ETS1: variants seen among roughly 807,000 people sequenced by gnomAD.
The protein encoded by ETS1 is protein C-ets-1.
In ETS1, 15 loss-of-function variants were observed where a neutral mutation model predicts 58.6. The ratio of observed to expected loss-of-function variants is 0.26; its 90% CI spans 0.17 to 0.39. The LOEUF is 0.39. Among genes scored for constraint, ETS1 ranks in the 10% least tolerant of loss-of-function variants. The probability of loss-of-function intolerance (pLI) is 1.00; values close to 1 mark genes in which losing one functional copy is unlikely to be tolerated. For missense variants in ETS1, 417 were observed against 610.5 expected (o/e 0.68, Z 3.34); for synonymous variants, 214 against 218.2 (o/e 0.98, Z 0.17).
intron 2 of ETS1, among the ~76,000 whole-genome samples, chr11:128,566,957 G>A (rs544419252): frequency 2.6e-5 from 4 of 152,276 alleles, no homozygotes; most frequent in South Asian, 2.1e-4. Flanking sequence ...TGTAAGGTGC[G>A]TTGGCTTCTG....
chr11:128,521,932 C>A, intron 3 of ETS1: 1 of 1,606,226 alleles, frequency 6.2e-7, no homozygotes, highest in Non-Finnish European at 8.5e-7. Context: ...GGAAAAGCTC[C>A]AGATCGACTT....
chr11:128,540,674 G>C (rs532250718), intron 3 of ETS1, among the ~76,000 whole-genome samples: 7 of 152,314 alleles, frequency 4.6e-5, no homozygotes, highest in Non-Finnish European at 7.3e-5. Context: ...AAGTGGCTTA[G>C]AGAGAGGCTG....
chr11:128,578,152 T>G (rs1222465722), intron 1 of ETS1, among the ~76,000 whole-genome samples: 1 of 152,106 alleles, frequency 6.6e-6, no homozygotes, highest in Non-Finnish European at 1.5e-5. Context: ...CTCCCCAAAC[T>G]GGCAACCCGG....
Position 128,501,055 on chromosome 11 carries a change from A to G in ETS1, c.215-10479T>C, listed in dbSNP as rs555423677. ...TTGCTTGTTGAGAGATCAGCAGCAC[A>G]AAGCAAATTTGTCCTTATCTGGCAG... On this transcript the variant is annotated intron_variant, in intron 3 of 9. Transcript: ENST00000392668. Among the ~76,000 whole-genome samples the G allele has an allele frequency of 1.5e-3, 229 of 152,298 alleles. 1 individual carries two copies. The highest frequency in any genetic ancestry group is 5.2e-3 in the African/African-American group (216 of 41,564).
At chr11:128,583,192 G>C (rs1163604905) in intron 1 of ETS1, among the ~76,000 whole-genome samples, 1 of 152,182 alleles carries the variant, frequency 6.6e-6, no homozygotes, top group Non-Finnish European at 1.5e-5. Flanking sequence ...TTGAACTCAT[G>C]AGTGATTATA....
At chr11:128,538,994 C>T (rs114400273) in intron 3 of ETS1, among the ~76,000 whole-genome samples, 177 of 152,242 alleles carry the variant, frequency 1.2e-3, no homozygotes, top group Middle Eastern at 3.4e-3. Flanking sequence ...TAGGGGAGAA[C>T]CAGATACACA....
At chr11:128,581,679 G>A (rs1864873284) in intron 1 of ETS1, among the ~76,000 whole-genome samples, 1 of 152,142 alleles carries the variant, frequency 6.6e-6, no homozygotes, top group Non-Finnish European at 1.5e-5. Context: ...GAAGGGCCAC[G>A]AGATTAAAAA....
At chr11:128,584,974 GAAA>G (rs753866442) in intron 1 of ETS1, among the ~76,000 whole-genome samples, 363 of 23,906 alleles carry the variant, frequency 0.015, 15 homozygotes, top group African/African-American at 0.079. Flanking sequence ...AAGAAAGAAA[GAAA>G]GAAAGAAAGA....
Position 128,463,695 on chromosome 11 carries a change from C to G in ETS1, c.1124-68G>C, listed in dbSNP as rs1565363236. 1 of 845,898 alleles carries G rather than the reference C, an allele frequency of 1.2e-6. No homozygotes were observed. The highest frequency in any genetic ancestry group is 2.5e-5 in the East Asian group (1 of 40,624). The allele number at this position is 845,898 out of a possible 1,614,324, so 52.4% of individuals were successfully genotyped here. A position where few individuals can be genotyped will look rare whatever the true frequency, so the allele number is the denominator to read the frequency against. On this transcript the variant is annotated intron_variant, in intron 8 of 9. Transcript: ENST00000392668. The surrounding 1 kb of genome is among the most constrained non-coding windows in gnomAD (Gnocchi z 4.1). ...GCACTCTACGCAGCTAATCCCCACA[C>G]ACGGCACTCCCACATCCCTCTTCTC...
chr11:128,575,472 T>C (rs1202584900), intron 1 of ETS1, among the ~76,000 whole-genome samples: 2 of 152,234 alleles, frequency 1.3e-5, no homozygotes, highest in African/African-American at 4.8e-5. Flanking sequence ...TGTTAGTGGC[T>C]TGTTTATTCA....
intron 3 of ETS1, among the ~76,000 whole-genome samples, chr11:128,521,258 G>A (rs1351428668): frequency 6.6e-6 from 1 of 152,118 alleles, no homozygotes; most frequent in Non-Finnish European, 1.5e-5. Context: ...TCCTTCCAAC[G>A]GACCTTTGGT....
At chr11:128,532,993 C>A (rs1863922195) in intron 3 of ETS1, among the ~76,000 whole-genome samples, 1 of 152,170 alleles carries the variant, frequency 6.6e-6, no homozygotes, top group Non-Finnish European at 1.5e-5. Context: ...CTGTCAGAAA[C>A]CTCTGCAAAG....
intron 3 of ETS1, among the ~76,000 whole-genome samples, chr11:128,514,747 A>C (rs1280115767): frequency 1.3e-5 from 2 of 152,212 alleles, no homozygotes; most frequent in Non-Finnish European, 2.9e-5. Context: ...TGAGGGATTT[A>C]AAGTATTCAG....
rs537639701 is a variant in ETS1 at position 128,510,558 on chromosome 11, C to T, written c.215-19982G>A. Among the ~76,000 whole-genome samples the T allele has an allele frequency of 5.3e-5, 8 of 152,342 alleles. No individual in the cohort carries two copies. The South Asian group carries it at 6.2e-4, about 12-fold the overall frequency. On this transcript the variant is annotated intron_variant, in intron 3 of 9. Coordinates refer to ENST00000392668, the MANE Select transcript of ETS1 (RefSeq NM_001143820.2). ...ACATGGAGGGCACCAAGCCATAGTG[C>T]TGAACCCCAATTGGAGGAGGAGACA...
intron 3 of ETS1, among the ~76,000 whole-genome samples, chr11:128,534,890 C>G (rs188196052): frequency 6.6e-6 from 1 of 152,098 alleles, no homozygotes; most frequent in Admixed American, 6.6e-5. Context: ...TGAACATACG[C>G]GTGCATGTTA....
chr11:128,493,904 T>C (rs1416681714), intron 3 of ETS1, among the ~76,000 whole-genome samples: 1 of 152,220 alleles, frequency 6.6e-6, no homozygotes, highest in Non-Finnish European at 1.5e-5. Context: ...AGCAGTTCTG[T>C]TCAATATACT....
At chr11:128,477,537 C>T (rs1319112800) in intron 8 of ETS1, among the ~76,000 whole-genome samples, 2 of 151,942 alleles carry the variant, frequency 1.3e-5, no homozygotes, top group Non-Finnish European at 2.9e-5. Flanking sequence ...ATGAGGTTGG[C>T]GGGGGCACCA....
At chr11:128,544,480 G>A (rs1026410625) in intron 3 of ETS1, among the ~76,000 whole-genome samples, 1 of 151,512 alleles carries the variant, frequency 6.6e-6, no homozygotes, top group African/African-American at 2.4e-5. Context: ...TAATCCCTGA[G>A]CCCCTCACCC....
chr11:128,584,813 C>T (rs1369465667), intron 1 of ETS1, among the ~76,000 whole-genome samples: 3 of 146,268 alleles, frequency 2.1e-5, no homozygotes, highest in African/African-American at 7.6e-5. Context: ...TGCTCAAATG[C>T]TAAATACTTT....
Sources: gnomAD v4.1 joint callset for allele counts (sites outside exome capture counted in the v4.1 genomes callset) on GRCh38, gnomAD v4.1.1 for gene constraint, Gnocchi (gnomAD v3.1) non-coding constraint, MANE v1.5 for transcripts, NCBI Gene and HGNC (gene_info 2026-07-23, HGNC 2026-07-21) for gene names.